The following WIPI1 variants were observed in gnomAD, a reference collection of about 807,000 sequenced individuals.
WIPI1 encodes WD repeat domain phosphoinositide-interacting protein 1.
WIPI1 carries 45 observed loss-of-function variants against 55.3 expected under a neutral mutation model. The observed-to-expected ratio is 0.81, with a 90% CI of 0.64 to 1.04. WIPI1 has a LOEUF of 1.04. WIPI1 is among the 50% of genes least tolerant of loss of function. The pLI, the probability that WIPI1 is intolerant of heterozygous loss-of-function variation, is 0.00. For synonymous variants in WIPI1, 195 were observed against 217.6 expected, an observed-to-expected ratio of 0.90 and a Z score of 0.92; for missense variants, 445 against 559.0, an observed-to-expected ratio of 0.80 and a Z score of 2.06.
intron 3 of WIPI1, among the ~76,000 whole-genome samples, chr17:68,449,416 G>A (rs2084410084): frequency 6.6e-6 from 1 of 152,196 alleles, no homozygotes; most frequent in South Asian, 2.1e-4. Flanking sequence ...CTTGAGCCCA[G>A]GAGTTTGAGA....
rs2084677799 is a variant in WIPI1 at position 68,457,488 on chromosome 17, C to G, written c.-67G>C. 10 of 1,314,352 alleles carry G rather than the reference C, an allele frequency of 7.6e-6. No homozygotes were observed. In the South Asian group the frequency reaches 1.7e-4, roughly 22 times the overall value. 81.4% of individuals were successfully genotyped at this position (1,314,352 alleles called of 1,614,324 possible). A position where few individuals can be genotyped will look rare whatever the true frequency, so the allele number is the denominator to read the frequency against. On this transcript the variant is annotated 5_prime_UTR_variant, in exon 1 of 13. Transcript: ENST00000262139. Reference sequence around the variant, plus strand: ...AGCCACCTCAGCAGCCCGCCCGCGCCGGCTCCACGGGCCGGGTCGCCGGTC... The same window carrying G: ...AGCCACCTCAGCAGCCCGCCCGCGCGGGCTCCACGGGCCGGGTCGCCGGTC...
chr17:68,437,020 G>A (rs62085921), intron 4 of WIPI1, among the ~76,000 whole-genome samples: 10 of 137,420 alleles, frequency 7.3e-5, no homozygotes, highest in African/African-American at 1.8e-4. Context: ...ATATATATGT[G>A]TGTGTGTGTG....
At chr17:68,426,254 G>GGGGGGCCCCCCCCCC in intron 11 of WIPI1, 79 bp from the exon 12 acceptor site, 1 of 816,922 alleles carries the variant, frequency 1.2e-6, no homozygotes, top group Non-Finnish European at 1.9e-6. Flanking sequence ...GGGAGCGGGG[G>GGGGGGCCCCCCCCCC]CTCAAATAAA....
intron 6 of WIPI1, among the ~76,000 whole-genome samples, chr17:68,435,057 A>C (rs1008348189): frequency 6.6e-6 from 1 of 152,150 alleles, no homozygotes; most frequent in Non-Finnish European, 1.5e-5. Context: ...AATACAAAAA[A>C]TTAGCCAGGC....
intron 4 of WIPI1, among the ~76,000 whole-genome samples, chr17:68,441,802 GAGA>G (rs932378982): frequency 2.6e-5 from 4 of 152,210 alleles, no homozygotes; most frequent in African/African-American, 9.6e-5. Flanking sequence ...GGGAGCTCAG[GAGA>G]AGTTGAGGTG....
intron 8 of WIPI1, among the ~76,000 whole-genome samples, chr17:68,430,546 G>T (rs2083461764): frequency 6.6e-6 from 1 of 152,194 alleles, no homozygotes; most frequent in Non-Finnish European, 1.5e-5. Flanking sequence ...GCTCATGGAA[G>T]AACAGACAGA....
intron 8 of WIPI1, among the ~76,000 whole-genome samples, chr17:68,432,520 G>A (rs1310839196): frequency 1.2e-4 from 18 of 152,128 alleles, no homozygotes; most frequent in Non-Finnish European, 1.3e-4. Flanking sequence ...AGGTTGAGGC[G>A]GGTGGATCAT....
At chr17:68,431,778 C>T (rs75905269) in intron 8 of WIPI1, among the ~76,000 whole-genome samples, 7 of 8,792 alleles carry the variant, frequency 8.0e-4, no homozygotes, top group African/African-American at 3.3e-3. Flanking sequence ...ACAGGTTGAG[C>T]GGAGAACCCA....
At chr17:68,422,043 CTGTG>C (rs987547802) in intron 12 of WIPI1, 49 of 584,974 alleles carry the variant, frequency 8.4e-5, no homozygotes, top group African/African-American at 1.1e-4. Context: ...AAAAATGTCT[CTGTG>C]TGTGTGTGTA....
chr17:68,454,795 T>C (rs1309821134), intron 1 of WIPI1, among the ~76,000 whole-genome samples: 1 of 152,236 alleles, frequency 6.6e-6, no homozygotes, highest in Admixed American at 6.5e-5. Context: ...TAGAGTCTTA[T>C]AACATTAATG....
chr17:68,455,298 A>T (rs965594351), intron 1 of WIPI1, among the ~76,000 whole-genome samples: 1 of 148,706 alleles, frequency 6.7e-6, no homozygotes, highest in Non-Finnish European at 1.5e-5. Flanking sequence ...TGGGAGGCAG[A>T]GGCTGCACTG....
intron 11 of WIPI1, 79 bp from the exon 12 acceptor site, chr17:68,426,254 G>GGGGCCCCCCCCCCC: frequency 3.7e-6 from 3 of 816,904 alleles, no homozygotes; most frequent in East Asian, 3.5e-5. Flanking sequence ...GGGAGCGGGG[G>GGGGCCCCCCCCCCC]CTCAAATAAA....
At chr17:68,424,714 A>G (rs1484907560) in intron 12 of WIPI1, among the ~76,000 whole-genome samples, 1 of 152,178 alleles carries the variant, frequency 6.6e-6, no homozygotes, top group Non-Finnish European at 1.5e-5. Context: ...CGTCTCTACT[A>G]AAAATACAAA....
chr17:68,456,941 T>C (rs1316536406), intron 1 of WIPI1, among the ~76,000 whole-genome samples: 1 of 152,170 alleles, frequency 6.6e-6, no homozygotes, highest in Non-Finnish European at 1.5e-5. Context: ...TACAGAGTCC[T>C]GGGTCAACTT....
chr17:68,431,942 C>T (rs1196599292), intron 8 of WIPI1, among the ~76,000 whole-genome samples: 1 of 152,272 alleles, frequency 6.6e-6, no homozygotes, highest in Admixed American at 6.5e-5. Context: ...TGGGGTTGAA[C>T]GGCATCTTAA....
intron 3 of WIPI1, among the ~76,000 whole-genome samples, chr17:68,447,629 G>A (rs942556614): frequency 9.2e-5 from 14 of 152,094 alleles, no homozygotes; most frequent in South Asian, 8.3e-4. Context: ...GGGCTCAAGC[G>A]ATCCTCCTGC....
At chr17:68,436,888 G>A (rs547406061) in intron 4 of WIPI1, among the ~76,000 whole-genome samples, 18 of 152,184 alleles carry the variant, frequency 1.2e-4, no homozygotes, top group African/African-American at 3.9e-4. Flanking sequence ...CAGCTACTTG[G>A]GAGGCTGAGG....
At chr17:68,446,998 C>T (rs759516361) in intron 3 of WIPI1, among the ~76,000 whole-genome samples, 19 of 152,208 alleles carry the variant, frequency 1.2e-4, no homozygotes, top group Non-Finnish European at 2.5e-4. Flanking sequence ...CTGCTGATTG[C>T]TTTTTTAACT....
intron 2 of WIPI1, 117 bp from the exon 3 acceptor site, chr17:68,451,014 G>T: frequency 7.3e-7 from 1 of 1,375,022 alleles, no homozygotes; most frequent in Non-Finnish European, 9.7e-7. Flanking sequence ...GGGTCTTGCC[G>T]GCCAGGCGCC....
Sources: gnomAD v4.1 joint callset for allele counts (sites outside exome capture counted in the v4.1 genomes callset) on GRCh38, gnomAD v4.1.1 for gene constraint, MANE v1.5 for transcripts, NCBI Gene and HGNC (gene_info 2026-07-23, HGNC 2026-07-21) for gene names.